MYCBP2: variants seen among roughly 807,000 people sequenced by gnomAD.
The protein encoded by MYCBP2 is MYC binding protein 2.
Under a neutral mutation model 525.3 loss-of-function variants are expected in MYCBP2, and 120 were observed. The ratio of observed to expected loss-of-function variants is 0.23; its 90% confidence interval spans 0.20 to 0.27. The LOEUF (loss-of-function observed/expected upper bound fraction) is 0.27, where lower values mean the gene tolerates loss of function less well. Ranked by LOEUF, MYCBP2 falls within the 10% of genes least tolerant of loss-of-function variation. The pLI is 1.00. For synonymous variants in MYCBP2, 1,894 were observed against 1,955.8 expected, an observed-to-expected ratio of 0.97 and a Z score of 0.83; for missense variants, 4,149 against 5,657.1, an observed-to-expected ratio of 0.73 and a Z score of 8.55.
At chr13:77,176,296 T>C (rs1372606287) in intron 36 of MYCBP2, among the ~76,000 whole-genome samples, 1 of 152,158 alleles carries the variant, frequency 6.6e-6, no homozygotes. Flanking sequence ...CTCCTGACTT[T>C]AAGAAACATT....
At chr13:77,234,193 T>G (rs765682776) in intron 17 of MYCBP2, among the ~76,000 whole-genome samples, 1 of 151,982 alleles carries the variant, frequency 6.6e-6, no homozygotes, top group East Asian at 1.9e-4. Context: ...GGTTTTTTTC[T>G]TATACAGCAG....
At chr13:77,084,298 T>C (rs540274971) in intron 62 of MYCBP2, among the ~76,000 whole-genome samples, 2 of 152,318 alleles carry the variant, frequency 1.3e-5, no homozygotes, top group East Asian at 3.9e-4. Context: ...TGTTCTTCCA[T>C]CTTGCTACCA....
chr13:77,169,772 G>T, intron 38 of MYCBP2, 58 bp from the exon 39 acceptor site: 1 of 1,337,352 alleles, frequency 7.5e-7, no homozygotes, highest in Non-Finnish European at 1.1e-6. Context: ...TCATTGTACT[G>T]CATACATGCT....
Position 77,045,081 on chromosome 13 carries a change from T to A in MYCBP2, c.*297A>T. On this transcript the variant is annotated 3_prime_UTR_variant, in exon 83 of 83. Coordinates refer to ENST00000544440, the MANE Select transcript of MYCBP2 (RefSeq NM_015057.5). ...GTCCATGGGCATGGCGATTCTTTTA[T>A]ATCAATTATCTATAAATGTCCAATG... 1 of 415,732 alleles carries A rather than the reference T, an allele frequency of 2.4e-6. No homozygotes were observed. Among genetic ancestry groups the A allele is most frequent in the Non-Finnish European group, 4.2e-6 (1 of 235,542 alleles). The allele number at this position is 415,732 out of a possible 1,614,324, so 25.8% of individuals were successfully genotyped here.
intron 20 of MYCBP2, 68 bp from the exon 21 acceptor site, chr13:77,218,025 AGCAAT>A: frequency 9.4e-7 from 1 of 1,062,508 alleles, no homozygotes; most frequent in Non-Finnish European, 1.4e-6. Flanking sequence ...ACAATAAGTA[AGCAAT>A]GCAACAAGGA....
chr13:77,325,962 T>C (rs938366896), intron 1 of MYCBP2, among the ~76,000 whole-genome samples: 7 of 152,012 alleles, frequency 4.6e-5, no homozygotes, highest in African/African-American at 1.7e-4. Context: ...CCATGACTCC[T>C]CTTGGTGAAA....
chr13:77,111,756 A>C (rs2048862281), intron 55 of MYCBP2, among the ~76,000 whole-genome samples: 1 of 152,094 alleles, frequency 6.6e-6, no homozygotes, highest in African/African-American at 2.4e-5. Context: ...CCCTTTCTCC[A>C]GGACCTTTTT....
At chr13:77,308,376 A>C (rs1306818176) in intron 1 of MYCBP2, among the ~76,000 whole-genome samples, 1 of 152,166 alleles carries the variant, frequency 6.6e-6, no homozygotes, top group African/African-American at 2.4e-5. Flanking sequence ...TGCTATGTCA[A>C]GATAGGTTAA....
intron 21 of MYCBP2, among the ~76,000 whole-genome samples, chr13:77,215,982 G>C (rs996127525): frequency 7.9e-5 from 12 of 152,200 alleles, no homozygotes; most frequent in African/African-American, 2.9e-4. Flanking sequence ...TGCCCAGTTA[G>C]TGTCTAATAC....
chr13:77,314,128 A>C (rs369379958), intron 1 of MYCBP2, among the ~76,000 whole-genome samples: 3 of 152,338 alleles, frequency 2.0e-5, no homozygotes, highest in East Asian at 3.9e-4. Context: ...TACTCTTAGC[A>C]CGTGATCCCA....
chr13:77,181,642 A>T (rs2060227543), intron 33 of MYCBP2, 59 bp downstream of exon 33: 1 of 1,412,872 alleles, frequency 7.1e-7, no homozygotes, highest in African/African-American at 1.4e-5. Flanking sequence ...AAGAGGCAAT[A>T]AATAAAACCA....
chr13:77,056,021 G>A (rs1272135641), intron 79 of MYCBP2, among the ~76,000 whole-genome samples: 1 of 151,884 alleles, frequency 6.6e-6, no homozygotes, highest in Non-Finnish European at 1.5e-5. Context: ...TCCTGCGTCT[G>A]AAATATATCT....
intron 33 of MYCBP2, 60 bp downstream of exon 33, chr13:77,181,641 T>C: frequency 7.1e-7 from 1 of 1,401,384 alleles, no homozygotes; most frequent in East Asian, 2.3e-5. Context: ...AAAGAGGCAA[T>C]AAATAAAACC....
chr13:77,067,446 T>C (rs530955944), intron 71 of MYCBP2, 135 bp downstream of exon 71: 3 of 861,364 alleles, frequency 3.5e-6, no homozygotes, highest in Non-Finnish European at 5.4e-6. Context: ...ATGACCTTTT[T>C]AGATATTAGC....
chr13:77,088,993 G>A lies in MYCBP2; in HGVS notation c.10564C>T (p.Leu3522Phe). ...SSLLRHPSPE[L>F]SRLISAHSSL... ...CTGTGGGCTGAGATTAGCCGAGAAA[G>A]CTCAGGAGACGGATGTCTCAAAAGG... The change falls in exon 61 of 83, where the codon CTT becomes TTT. Residue 3522 changes from leucine (L) to phenylalanine (F), a missense_variant. This residue lies in a region of MYCBP2 where 509 missense variants were observed against 789.4 expected (regional missense o/e 0.64). Transcript: ENST00000544440. The A allele has an allele frequency of 6.2e-7, 1 of 1,613,144 alleles. No individual in the cohort carries two copies. Among genetic ancestry groups the A allele is most frequent in the Non-Finnish European group, 8.5e-7 (1 of 1,179,428 alleles).
At chr13:77,163,771 A>G (rs1220627031) in intron 43 of MYCBP2, among the ~76,000 whole-genome samples, 1 of 152,092 alleles carries the variant, frequency 6.6e-6, no homozygotes, top group Non-Finnish European at 1.5e-5. Flanking sequence ...TTTTGCTAAC[A>G]TATTTCTTAT....
chr13:77,241,522 AATT>A (rs1462476839), intron 17 of MYCBP2, among the ~76,000 whole-genome samples: 2 of 152,156 alleles, frequency 1.3e-5, no homozygotes, highest in African/African-American at 4.8e-5. Flanking sequence ...CAACATAAAA[AATT>A]ATTAATTACC....
At chr13:77,070,041 T>C (rs1313900828) in intron 69 of MYCBP2, among the ~76,000 whole-genome samples, 1 of 152,168 alleles carries the variant, frequency 6.6e-6, no homozygotes, top group Non-Finnish European at 1.5e-5. Flanking sequence ...TGTTAATTGC[T>C]CAGCCAACAC....
rs1275480546 is a variant in MYCBP2 at position 77,097,667 on chromosome 13, A to C, written c.9487T>G (p.Leu3163Val). ...KSPLPLTLQH[L>V]VAFWEDISLA... ...GAGATGTCTTCCCAAAAAGCCACTA[A>C]ATGTTGTAAAGTTAAGGGAAGAGGA... The change falls in exon 56 of 83, where the codon TTA becomes GTA. Residue 3163 changes from leucine (L) to valine (V), a missense_variant. By Grantham distance (32) the Leu-to-Val change is conservative. Transcript: ENST00000544440. 1 of 1,613,696 alleles carries C rather than the reference A, an allele frequency of 6.2e-7. No individual in the cohort carries two copies. The highest frequency in any genetic ancestry group is 1.7e-5 in the Admixed American group (1 of 59,926).
Sources: allele counts gnomAD v4.1 joint callset (sites outside exome capture counted in the v4.1 genomes callset), GRCh38; gene constraint gnomAD v4.1.1; regional missense constraint gnomAD v4.1.1; transcripts MANE v1.5; gene names NCBI Gene and HGNC (gene_info 2026-07-23, HGNC 2026-07-21).